Variants in DMRT1 observed in about 807,000 individuals in gnomAD.
DMRT1 encodes the protein doublesex and mab-3 related transcription factor 1, also known as doublesex- and mab-3-related transcription factor 1.
Under a neutral mutation model 32.3 loss-of-function variants are expected in DMRT1, and 7 were observed. That is an observed-to-expected ratio of 0.22 (90% CI 0.12 to 0.41). The LOEUF (loss-of-function observed/expected upper bound fraction) is 0.41, where lower values mean the gene tolerates loss of function less well. DMRT1 is among the 10% of genes least tolerant of loss of function. DMRT1 has a pLI of 1.00. For missense variants in DMRT1, 625 were observed against 500.5 expected (o/e 1.25, Z -2.37); for synonymous variants, 278 against 206.1 (o/e 1.35, Z -2.99).
At chr9:930,557 C>T (rs367691186) in intron 4 of DMRT1, among the ~76,000 whole-genome samples, 35 of 152,074 alleles carry the variant, frequency 2.3e-4, no homozygotes, top group Non-Finnish European at 3.4e-4. Context: ...TACAGGCGCC[C>T]GCCACCATGC....
intron 2 of DMRT1, among the ~76,000 whole-genome samples, chr9:867,654 A>T (rs1388634783): frequency 2.6e-5 from 4 of 152,212 alleles, no homozygotes; most frequent in Non-Finnish European, 5.9e-5. Flanking sequence ...GTGGAACTCA[A>T]ACCCGGGTCT....
intron 2 of DMRT1, among the ~76,000 whole-genome samples, chr9:884,399 T>A (rs1485905155): frequency 1.3e-5 from 2 of 148,608 alleles, no homozygotes; most frequent in Non-Finnish European, 1.5e-5. Flanking sequence ...AGAGGGATTG[T>A]GAAGCCCTAT....
chr9:871,532 G>A (rs1477042912), intron 2 of DMRT1, among the ~76,000 whole-genome samples: 17 of 145,480 alleles, frequency 1.2e-4, no homozygotes, highest in African/African-American at 7.9e-5. Flanking sequence ...TGGTAGAGAC[G>A]GGGTTTCACC....
intron 1 of DMRT1, among the ~76,000 whole-genome samples, chr9:843,235 C>T (rs972548968): frequency 6.6e-6 from 1 of 152,218 alleles, no homozygotes; most frequent in African/African-American, 2.4e-5. Context: ...CTGCTGCTTA[C>T]GCGGGTAACC....
chr9:876,850 T>G (rs973397350), intron 2 of DMRT1, among the ~76,000 whole-genome samples: 7 of 152,152 alleles, frequency 4.6e-5, no homozygotes, highest in Admixed American at 2.6e-4. Flanking sequence ...TGAGAATGTC[T>G]ATCAGCCAGA....
At chr9:932,524 C>A (rs2129866324) in intron 4 of DMRT1, among the ~76,000 whole-genome samples, 1 of 152,250 alleles carries the variant, frequency 6.6e-6, no homozygotes, top group South Asian at 2.1e-4. Context: ...TTGTTCAGTC[C>A]TAACAACAAT....
intron 3 of DMRT1, among the ~76,000 whole-genome samples, chr9:901,981 C>T (rs949694072): frequency 4.1e-5 from 6 of 145,904 alleles, no homozygotes; most frequent in South Asian, 4.3e-4. Flanking sequence ...GATGCGATCT[C>T]AGCCCACTGC....
chr9:930,767 C>T (rs952674038), intron 4 of DMRT1, among the ~76,000 whole-genome samples: 2 of 129,768 alleles, frequency 1.5e-5, no homozygotes, highest in African/African-American at 8.3e-5. Context: ...TGGTCTCAAA[C>T]TCTGGGCCTC....
At chr9:875,553 C>T (rs993817723) in intron 2 of DMRT1, among the ~76,000 whole-genome samples, 16 of 152,094 alleles carry the variant, frequency 1.1e-4, no homozygotes, top group African/African-American at 3.9e-4. Context: ...AAATTCTGTA[C>T]AATGAAGATC....
chr9:967,950 C>T (rs1331409933), intron 4 of DMRT1, 35 bp from the exon 5 acceptor site: 1 of 1,605,210 alleles, frequency 6.2e-7, no homozygotes, highest in Admixed American at 1.7e-5. Context: ...CTCCCTTTCT[C>T]CCTTTCTCTC....
chr9:879,689 T>A (rs1190138961), intron 2 of DMRT1, among the ~76,000 whole-genome samples: 1 of 152,226 alleles, frequency 6.6e-6, no homozygotes, highest in African/African-American at 2.4e-5. Context: ...TTGTACTCTG[T>A]TTCATTAAAA....
rs995961933 is a variant in DMRT1 at position 842,339 on chromosome 9, A to G, written c.354+147A>G. 2.3e-5 allele frequency: 24 copies of G among 1,051,460 alleles called. No homozygotes were observed. The Admixed American group carries it at 5.4e-4, about 24-fold the overall frequency. The allele number at this position is 1,051,460 out of a possible 1,614,324, so 65.1% of individuals were successfully genotyped here. A position where few individuals can be genotyped will look rare whatever the true frequency, so the allele number is the denominator to read the frequency against. On this transcript the variant is annotated intron_variant, in intron 1 of 4. Coordinates refer to ENST00000382276, the MANE Select transcript of DMRT1 (RefSeq NM_021951.3). Reference sequence around the variant, plus strand: ...AACCTCCGCTTCCCGGGTTCAAGCAATTCTCCTGCCTCAGCCTCCCAAGTA... The same window carrying G: ...AACCTCCGCTTCCCGGGTTCAAGCAGTTCTCCTGCCTCAGCCTCCCAAGTA...
intron 2 of DMRT1, among the ~76,000 whole-genome samples, chr9:879,211 C>T (rs989399072): frequency 6.6e-6 from 1 of 151,988 alleles, no homozygotes; most frequent in Non-Finnish European, 1.5e-5. Context: ...CTCTCTACAA[C>T]CTTAAAAAGT....
intron 2 of DMRT1, among the ~76,000 whole-genome samples, chr9:881,452 T>C (rs1485719505): frequency 6.6e-6 from 1 of 152,200 alleles, no homozygotes; most frequent in African/African-American, 2.4e-5. Context: ...ATGATCTTAC[T>C]AGTAAAAGAA....
At chr9:923,371 C>T (rs919944988) in intron 4 of DMRT1, among the ~76,000 whole-genome samples, 12 of 152,092 alleles carry the variant, frequency 7.9e-5, no homozygotes, top group Non-Finnish European at 1.3e-4. Context: ...TGAATGGGAC[C>T]CATGACTTAG....
At chr9:861,805 C>CGG (rs57064577) in intron 2 of DMRT1, among the ~76,000 whole-genome samples, 1 of 143,518 alleles carries the variant, frequency 7.0e-6, no homozygotes, top group African/African-American at 2.7e-5. Flanking sequence ...GGCTGCCGGG[C>CGG]GGGGGGGGGC....
intron 4 of DMRT1, among the ~76,000 whole-genome samples, chr9:953,296 G>A (rs1819489549): frequency 6.6e-6 from 1 of 152,036 alleles, no homozygotes; most frequent in South Asian, 2.1e-4. Context: ...AAAAGTCTGT[G>A]TATCTTTTTG....
intron 3 of DMRT1, among the ~76,000 whole-genome samples, chr9:905,514 G>GT (rs1564240658): frequency 7.3e-5 from 11 of 151,210 alleles, no homozygotes; most frequent in African/African-American, 2.0e-4. Context: ...GTGTGTGTGT[G>GT]GCACTGCAGG....
chr9:906,264 G>A (rs964898712), intron 3 of DMRT1, among the ~76,000 whole-genome samples: 15 of 152,182 alleles, frequency 9.9e-5, no homozygotes, highest in Non-Finnish European at 4.4e-5. Context: ...AAGGATGTGA[G>A]TGTGTGCGTG....
Sources: allele counts gnomAD v4.1 joint callset (sites outside exome capture counted in the v4.1 genomes callset), GRCh38; gene constraint gnomAD v4.1.1; transcripts MANE v1.5; gene names NCBI Gene and HGNC (gene_info 2026-07-23, HGNC 2026-07-21).